The following CPNE7 variants were observed in gnomAD, a reference collection of about 807,000 sequenced individuals.
CPNE7 encodes copine 7.
In CPNE7, 78 loss-of-function variants were observed where a neutral mutation model predicts 66.5. That is an observed-to-expected ratio of 1.17 (90% CI 0.98 to 1.42). The LOEUF (loss-of-function observed/expected upper bound fraction) is 1.42, where lower values mean the gene tolerates loss of function less well. Ranked by LOEUF, CPNE7 falls within the 40% of genes most tolerant of loss-of-function variation. The probability of loss-of-function intolerance (pLI) is 0.00; values close to 1 mark genes in which losing one functional copy is unlikely to be tolerated. For missense variants in CPNE7, 1,012 were observed against 776.6 expected (o/e 1.30, Z -3.60); for synonymous variants, 468 against 336.7 (o/e 1.39, Z -4.27).
intron 2 of CPNE7, 173 bp from the exon 3 acceptor site, chr16:89,583,515 CGCAGGGATG>C: frequency 6.4e-7 from 1 of 1,562,954 alleles, no homozygotes; most frequent in Non-Finnish European, 8.7e-7. Flanking sequence ...GGTGGCCACA[CGCAGGGATG>C]GCAGGTGCTT....
intron 2 of CPNE7, chr16:89,579,126 T>G (rs1336669644): frequency 3.4e-6 from 2 of 590,374 alleles, no homozygotes; most frequent in African/African-American, 1.9e-5. Context: ...CCATCTCTAC[T>G]AAAAATAGAA....
At chr16:89,583,638 C>A (rs12932758) in intron 2 of CPNE7, 59 bp from the exon 3 acceptor site, 5 of 1,609,892 alleles carry the variant, frequency 3.1e-6, no homozygotes, top group Non-Finnish European at 4.2e-6. Context: ...GCGGTGGGGT[C>A]TCCAGGGTCA....
intron 8 of CPNE7, 91 bp from the exon 9 acceptor site, chr16:89,586,952 T>C (rs1200440151): frequency 7.5e-7 from 1 of 1,333,614 alleles, no homozygotes; most frequent in Non-Finnish European, 1.1e-6. Flanking sequence ...CCAGAGGGAC[T>C]GGGCTGCCTG....
Position 89,585,783 on chromosome 16 carries a change from C to T in CPNE7, c.778C>T (p.Gln260Ter), listed in dbSNP as rs1386857222. 1.5e-6 allele frequency: 2 copies of T among 1,293,426 alleles called. No homozygotes were observed. The highest frequency in any genetic ancestry group is 1.0e-6 in the Non-Finnish European group (1 of 995,408). 80.1% of individuals were successfully genotyped at this position (1,293,426 alleles called of 1,614,324 possible). A position where few individuals can be genotyped will look rare whatever the true frequency, so the allele number is the denominator to read the frequency against. ...EEMQKAFEEG[Q>*]AQWDCVNPKY... ...GATGCAGAAGGCCTTTGAGGAGGGG[C>T]AGGTGAGCAGGACGGGGTAGGGGGT... The change falls in exon 7 of 15, where the codon CAG becomes TAG. Residue 260 changes from glutamine to a stop codon, truncating the protein, a stop_gained and splice_region_variant. Transcript: ENST00000319518. LOFTEE classifies it high-confidence loss of function.
intron 9 of CPNE7, among the ~76,000 whole-genome samples, chr16:89,587,889 G>A (rs1183477339): frequency 1.6e-5 from 1 of 64,490 alleles, no homozygotes; most frequent in African/African-American, 5.8e-5. Context: ...TGTCACCCGC[G>A]TGTCACCCAC....
At chr16:89,590,300 C>T (rs758463128) in intron 11 of CPNE7, among the ~76,000 whole-genome samples, 22 of 152,030 alleles carry the variant, frequency 1.4e-4, no homozygotes, top group South Asian at 6.2e-4. Context: ...CGAGGCGGGC[C>T]GATTACCTGA....
chr16:89,583,603 C>A, intron 2 of CPNE7, 94 bp from the exon 3 acceptor site: 1 of 1,606,732 alleles, frequency 6.2e-7, no homozygotes, highest in Non-Finnish European at 8.5e-7. Flanking sequence ...GGAGACAGGA[C>A]AGGCCTGAGA....
chr16:89,586,521 C>T lies in CPNE7; in HGVS notation c.781-149C>T, dbSNP rs545709118. On this transcript the variant is annotated intron_variant, in intron 7 of 14. Coordinates refer to ENST00000319518, the MANE Select transcript of CPNE7 (RefSeq NM_153636.3). ...TCATTCCCGTATGACCCACTCTGCC[C>T]CTTCCTGCTGCCCTGCAGCAGTGCC... is the stretch of plus-strand genomic sequence containing the variant. 6.7e-4 allele frequency: 422 copies of T among 630,572 alleles called. 2 individuals are homozygous for T. In the Middle Eastern group the frequency reaches 7.1e-3, roughly 11 times the overall value. 39.1% of individuals were successfully genotyped at this position (630,572 alleles called of 1,614,324 possible).
chr16:89,597,031 C>T lies in CPNE7; in HGVS notation c.*410C>T, dbSNP rs1347753545. ...GAGAAAGCCTGGGGGACCCAGACAC[C>T]TGTCCCCACAGTCAAAGCCTGGGGA... is the stretch of plus-strand genomic sequence containing the variant. On this transcript the variant is annotated 3_prime_UTR_variant, in exon 15 of 15. Transcript: ENST00000319518. The T allele has an allele frequency of 6.2e-6, 1 of 161,510 alleles. No homozygotes were observed. Among genetic ancestry groups the T allele is most frequent in the Non-Finnish European group, 1.3e-5 (1 of 74,868 alleles). The allele number at this position is 161,510 out of a possible 1,614,324, so 10.0% of individuals were successfully genotyped here.
chr16:89,581,615 G>C lies in CPNE7; in HGVS notation c.358-2082G>C, dbSNP rs113425584. Among the ~76,000 whole-genome samples the C allele has an allele frequency of 7.9e-3, 1,202 of 152,342 alleles. 9 individuals carry two copies. The highest frequency in any genetic ancestry group is 0.013 in the Non-Finnish European group (911 of 68,032). On this transcript the variant is annotated intron_variant, in intron 2 of 14. Coordinates refer to ENST00000319518, the MANE Select transcript of CPNE7 (RefSeq NM_153636.3). ...AGAGTTAGGGAGGGCACAGATGGAA[G>C]AGGATGGCACGGACACAGAAATATG...
At chr16:89,586,789 C>A (rs764274960) in intron 8 of CPNE7, 33 bp downstream of exon 8, 2 of 1,558,772 alleles carry the variant, frequency 1.3e-6, no homozygotes, top group African/African-American at 1.4e-5. Flanking sequence ...GCCTCCCCAC[C>A]CACAAGAGGG....
chr16:89,577,450 G>A (rs1488769212), intron 1 of CPNE7, 89 bp from the exon 2 acceptor site: 7 of 1,335,410 alleles, frequency 5.2e-6, no homozygotes, highest in Non-Finnish European at 7.2e-6. Context: ...GAGGTACCTG[G>A]GCGTGGGTGA....
intron 2 of CPNE7, among the ~76,000 whole-genome samples, chr16:89,578,254 G>A (rs929423094): frequency 5.9e-5 from 9 of 151,732 alleles, no homozygotes; most frequent in South Asian, 2.1e-4. Flanking sequence ...CAGTAGAGAC[G>A]GGGTTTCACC....
At chr16:89,582,124 C>G (rs939896260) in intron 2 of CPNE7, among the ~76,000 whole-genome samples, 2 of 152,244 alleles carry the variant, frequency 1.3e-5, no homozygotes, top group African/African-American at 2.4e-5. Flanking sequence ...GAGGAGGCCC[C>G]TCGTGGGTTC....
intron 2 of CPNE7, among the ~76,000 whole-genome samples, chr16:89,580,524 A>C (rs2058937419): frequency 6.9e-6 from 1 of 145,840 alleles, no homozygotes; most frequent in African/African-American, 2.6e-5. Context: ...CGTCACACGG[A>C]ACATCCCATC....
At chr16:89,578,771 A>G (rs2058900528) in intron 2 of CPNE7, 1 of 1,407,788 alleles carries the variant, frequency 7.1e-7, no homozygotes, top group East Asian at 2.6e-5. Context: ...AAAAAAAAAA[A>G]AAAAAAAGAA....
intron 10 of CPNE7, 86 bp downstream of exon 10, chr16:89,588,894 G>T: frequency 6.5e-7 from 1 of 1,549,134 alleles, no homozygotes. Flanking sequence ...CACCCCCCTG[G>T]TCTCCAGGTC....
Position 89,589,770 on chromosome 16 carries a change from T to A in CPNE7, c.1062-127T>A, listed in dbSNP as rs2059141261. On this transcript the variant is annotated intron_variant, in intron 10 of 14. Transcript: ENST00000319518. ...TCGGTTCCCCACCTCTGGCAGGTGCTTACTGCCGTGGTACCAGGCCTGGGC... is the reference window on the plus strand; with the variant it reads ...TCGGTTCCCCACCTCTGGCAGGTGCATACTGCCGTGGTACCAGGCCTGGGC... 3.2e-6 allele frequency: 3 copies of A among 951,278 alleles called. No homozygotes were observed. In the African/African-American group the frequency reaches 4.9e-5, roughly 16 times the overall value. 58.9% of individuals were successfully genotyped at this position (951,278 alleles called of 1,614,324 possible). A position where few individuals can be genotyped will look rare whatever the true frequency, so the allele number is the denominator to read the frequency against.
In CPNE7 at chr16:89,595,565, G is replaced by A; in HGVS notation, c.1501G>A (p.Asp501Asn). Residue 501 changes from aspartate to asparagine, a missense_variant, in exon 14 of 15, where the codon GAC becomes AAC. Transcript: ENST00000319518. Reference sequence around the variant, plus strand: ...CCCACGGGGTGAGCCCGCGCTCCGGGACATCGTACAGTTCGTGCCCTTCCG... The same window carrying A: ...CCCACGGGGTGAGCCCGCGCTCCGGAACATCGTACAGTTCGTGCCCTTCCG... The part of the protein sequence containing the change: ...RSPRGEPALR[D>N]IVQFVPFREL... 4 of 1,611,268 alleles carry A rather than the reference G, an allele frequency of 2.5e-6. No individual in the cohort carries two copies. In the South Asian group the frequency reaches 4.4e-5, roughly 18 times the overall value.
Sources: allele counts gnomAD v4.1 joint callset (sites outside exome capture counted in the v4.1 genomes callset), GRCh38; gene constraint gnomAD v4.1.1; transcripts MANE v1.5; gene names NCBI Gene and HGNC (gene_info 2026-07-23, HGNC 2026-07-21).